Variants in CTNNA3 observed in about 807,000 individuals in gnomAD.
CTNNA3 encodes catenin alpha 3.
In CTNNA3, 76 loss-of-function variants were observed where a neutral mutation model predicts 95.7. The observed-to-expected ratio is 0.79, with a 90% CI of 0.66 to 0.96. The LOEUF is 0.96. Among genes scored for constraint, CTNNA3 ranks in the 40% least tolerant of loss-of-function variants. CTNNA3 has a pLI of 0.00. For missense variants in CTNNA3, 1,191 were observed against 1,089.8 expected, an observed-to-expected ratio of 1.09 and a Z score of -1.31; for synonymous variants, 431 against 374.4, an observed-to-expected ratio of 1.15 and a Z score of -1.74.
chr10:66,947,138 T>TA (rs1301310196), intron 7 of CTNNA3, among the ~76,000 whole-genome samples: 4 of 151,956 alleles, frequency 2.6e-5, no homozygotes, highest in Admixed American at 6.6e-5. Context: ...ATGATTGTAT[T>TA]AGAAAAAACT....
intron 1 of CTNNA3, among the ~76,000 whole-genome samples, chr10:67,737,478 A>G (rs190943497): frequency 1.5e-3 from 224 of 152,294 alleles, no homozygotes; most frequent in Middle Eastern, 6.8e-3. Context: ...AAATTACCAG[A>G]AGGAAAGAAA....
At chr10:66,218,918 T>G (rs966205057) in intron 13 of CTNNA3, among the ~76,000 whole-genome samples, 4 of 152,180 alleles carry the variant, frequency 2.6e-5, no homozygotes, top group African/African-American at 9.7e-5. Context: ...AACTTCCAAA[T>G]TTTTCCTGAC....
At chr10:66,868,671 A>G (rs978574836) in intron 7 of CTNNA3, among the ~76,000 whole-genome samples, 6 of 151,864 alleles carry the variant, frequency 4.0e-5, no homozygotes, top group African/African-American at 1.5e-4. Context: ...GAATCGCCTG[A>G]ACCCAGAAGG....
chr10:66,883,092 G>T (rs1315665511), intron 7 of CTNNA3, among the ~76,000 whole-genome samples: 3 of 152,062 alleles, frequency 2.0e-5, no homozygotes, highest in Non-Finnish European at 4.4e-5. Context: ...TTGAACAAAA[G>T]AATGAAGTAT....
intron 10 of CTNNA3, among the ~76,000 whole-genome samples, chr10:66,619,707 T>C (rs1000698043): frequency 1.3e-5 from 2 of 150,508 alleles, no homozygotes; most frequent in African/African-American, 2.4e-5. Flanking sequence ...AAACTTAAAG[T>C]ATAATAATAA....
chr10:67,461,129 A>C (rs1199616395), intron 5 of CTNNA3, among the ~76,000 whole-genome samples: 1 of 152,202 alleles, frequency 6.6e-6, no homozygotes, highest in African/African-American at 2.4e-5. Flanking sequence ...GCAATTCTCA[A>C]GCTATGGTCT....
intron 13 of CTNNA3, among the ~76,000 whole-genome samples, chr10:66,152,687 T>C (rs940958375): frequency 1.3e-5 from 2 of 151,946 alleles, no homozygotes; most frequent in Non-Finnish European, 2.9e-5. Context: ...AAGAGCATTT[T>C]TGAAATAAAA....
intron 5 of CTNNA3, among the ~76,000 whole-genome samples, chr10:67,416,273 T>C (rs538002710): frequency 8.9e-4 from 135 of 151,988 alleles, no homozygotes; most frequent in Non-Finnish European, 1.0e-3. Context: ...CCAGAATCTA[T>C]GGTAAAAAAT....
chr10:66,977,434 C>CA (rs11368044), intron 7 of CTNNA3, among the ~76,000 whole-genome samples: 33,179 of 144,932 alleles, frequency 0.23, 4,122 homozygotes, highest in Middle Eastern at 0.3. Context: ...AACTCTGTCT[C>CA]AAAAAAAAAA....
At chr10:67,427,521 G>A (rs887876647) in intron 5 of CTNNA3, among the ~76,000 whole-genome samples, 28 of 151,866 alleles carry the variant, frequency 1.8e-4, no homozygotes, top group African/African-American at 5.8e-4. Flanking sequence ...TATTACTGCC[G>A]AGAAAGCTCA....
intron 12 of CTNNA3, among the ~76,000 whole-genome samples, chr10:66,313,632 C>G (rs1419714343): frequency 6.6e-6 from 1 of 152,188 alleles, no homozygotes; most frequent in Non-Finnish European, 1.5e-5. Context: ...CTACTGTTTG[C>G]ATGAGTAGCA....
At chr10:67,428,625 G>A (rs1846000868) in intron 5 of CTNNA3, among the ~76,000 whole-genome samples, 1 of 152,020 alleles carries the variant, frequency 6.6e-6, no homozygotes, top group Non-Finnish European at 1.5e-5. Flanking sequence ...TCATTGGATT[G>A]AGGGATACAG....
intron 7 of CTNNA3, among the ~76,000 whole-genome samples, chr10:66,984,590 TCTC>T (rs1181717934): frequency 5.3e-5 from 8 of 152,178 alleles, no homozygotes; most frequent in Non-Finnish European, 8.8e-5. Flanking sequence ...TCAAAATACT[TCTC>T]AATGCGTTCA....
At chr10:67,122,464 A>G (rs1177665904) in intron 7 of CTNNA3, among the ~76,000 whole-genome samples, 1 of 152,118 alleles carries the variant, frequency 6.6e-6, no homozygotes, top group Non-Finnish European at 1.5e-5. Context: ...AAATCTCATT[A>G]GCCATTAATT....
At chr10:66,408,400 A>G (rs1024845342) in intron 11 of CTNNA3, among the ~76,000 whole-genome samples, 2 of 141,026 alleles carry the variant, frequency 1.4e-5, no homozygotes, top group Non-Finnish European at 3.1e-5. Flanking sequence ...AGTATATGTC[A>G]TATTTTAGTC....
chr10:67,022,690 C>T (rs192983108), intron 7 of CTNNA3, among the ~76,000 whole-genome samples: 1 of 152,138 alleles, frequency 6.6e-6, no homozygotes, highest in Non-Finnish European at 1.5e-5. Context: ...TTAATCCCAG[C>T]ATTTTGGGAG....
intron 11 of CTNNA3, among the ~76,000 whole-genome samples, chr10:66,435,327 T>C (rs1018906433): frequency 6.6e-6 from 1 of 152,172 alleles, no homozygotes; most frequent in African/African-American, 2.4e-5. Context: ...ATTTCAGATC[T>C]TGTTATTGTT....
intron 10 of CTNNA3, among the ~76,000 whole-genome samples, chr10:66,613,639 T>C (rs1844406572): frequency 6.6e-6 from 1 of 152,130 alleles, no homozygotes; most frequent in East Asian, 1.9e-4. Context: ...CTAGTCAGTC[T>C]TGAGGATACA....
intron 7 of CTNNA3, among the ~76,000 whole-genome samples, chr10:66,900,768 A>C (rs1845707865): frequency 6.6e-6 from 1 of 152,192 alleles, no homozygotes; most frequent in Non-Finnish European, 1.5e-5. Flanking sequence ...AAGTGGAAGA[A>C]GGGATATCAG....
Sources: allele counts gnomAD v4.1 joint callset (sites outside exome capture counted in the v4.1 genomes callset), GRCh38; gene constraint gnomAD v4.1.1; transcripts MANE v1.5; gene names NCBI Gene and HGNC (gene_info 2026-07-23, HGNC 2026-07-21).